The following MCPH1 variants were observed in gnomAD, a reference collection of about 807,000 sequenced individuals.
MCPH1 encodes microcephalin.
MCPH1 carries 104 observed loss-of-function variants against 84.5 expected under a neutral mutation model. That is an observed-to-expected ratio of 1.23 (90% CI 1.05 to 1.45). MCPH1 has a LOEUF of 1.45. Among genes scored for constraint, MCPH1 ranks in the 40% most tolerant of loss-of-function variants. The pLI, the probability that MCPH1 is intolerant of heterozygous loss-of-function variation, is 0.00. For synonymous variants in MCPH1, 514 were observed against 366.8 expected (o/e 1.40, Z -4.58); for missense variants, 1,498 against 1,005.7 (o/e 1.49, Z -6.62).
chr8:6,418,774 G>T (rs1337293994), intron 3 of MCPH1, among the ~76,000 whole-genome samples: 1 of 152,056 alleles, frequency 6.6e-6, no homozygotes. Context: ...TGGACACGGG[G>T]TTTCACCATG....
chr8:6,430,347 G>A (rs1158138101), intron 3 of MCPH1, among the ~76,000 whole-genome samples: 4 of 152,146 alleles, frequency 2.6e-5, no homozygotes, highest in Non-Finnish European at 5.9e-5. Flanking sequence ...TTTTGCTTCG[G>A]AAAATTCCAC....
intron 12 of MCPH1, among the ~76,000 whole-genome samples, chr8:6,547,867 G>A (rs898848986): frequency 6.6e-6 from 1 of 151,500 alleles, no homozygotes; most frequent in East Asian, 1.9e-4. Flanking sequence ...GTTTGTTTCA[G>A]TGAGTCATCT....
At chr8:6,512,345 T>C (rs1563320794) in intron 12 of MCPH1, among the ~76,000 whole-genome samples, 1 of 152,170 alleles carries the variant, frequency 6.6e-6, no homozygotes, top group Non-Finnish European at 1.5e-5. Context: ...TAACATTGTG[T>C]CTCCTTTCAG....
chr8:6,409,408 C>T, intron 2 of MCPH1, 38 bp downstream of exon 2: 1 of 1,465,388 alleles, frequency 6.8e-7, no homozygotes, highest in Non-Finnish European at 9.6e-7. Context: ...ATATGACAGT[C>T]TTCTGATTGG....
At chr8:6,436,906 C>T (rs1802731643) in intron 5 of MCPH1, among the ~76,000 whole-genome samples, 1 of 151,874 alleles carries the variant, frequency 6.6e-6, no homozygotes, top group African/African-American at 2.4e-5. Flanking sequence ...GGAGGCAGAG[C>T]TTGCAGTGAG....
chr8:6,562,695 C>A, intron 12 of MCPH1: 3 of 1,609,146 alleles, frequency 1.9e-6, no homozygotes, highest in Non-Finnish European at 2.6e-6. Context: ...CCAGCACTTG[C>A]AGCCTCTGCA....
intron 11 of MCPH1, among the ~76,000 whole-genome samples, chr8:6,485,419 C>G (rs1045657524): frequency 6.6e-6 from 1 of 152,082 alleles, no homozygotes; most frequent in Non-Finnish European, 1.5e-5. Flanking sequence ...GGTTTCAGAA[C>G]TAGGTTTCCT....
intron 12 of MCPH1, among the ~76,000 whole-genome samples, chr8:6,567,091 C>T (rs542504068): frequency 2.7e-5 from 4 of 148,342 alleles, no homozygotes; most frequent in Admixed American, 2.0e-4. Context: ...CGTGTGTGAT[C>T]GGCAAGGCCA....
chr8:6,568,529 G>A (rs1017099074), intron 12 of MCPH1, among the ~76,000 whole-genome samples: 1 of 152,218 alleles, frequency 6.6e-6, no homozygotes, highest in African/African-American at 2.4e-5. Flanking sequence ...ATCAAGGGAT[G>A]GAAATGGGGC....
Position 6,645,137 on chromosome 8 carries a change from G to A in MCPH1, c.*2088G>A, listed in dbSNP as rs1798150548. 1 of 152,298 alleles carries A rather than the reference G, an allele frequency of 6.6e-6. No homozygotes were observed. The highest frequency in any genetic ancestry group is 1.5e-5 in the Non-Finnish European group (1 of 68,106). The allele number at this position is 152,298 out of a possible 1,614,324, so 9.4% of individuals were successfully genotyped here. Reference sequence around the variant, plus strand: ...ACTCATGCTGGAGACAAGCCACAGAGAACTTCCATCCCCCACCACATCAGC... The same window carrying A: ...ACTCATGCTGGAGACAAGCCACAGAAAACTTCCATCCCCCACCACATCAGC... On this transcript the variant is annotated 3_prime_UTR_variant, in exon 14 of 14. Transcript: ENST00000344683.
At chr8:6,418,801 T>C (rs1975620) in intron 3 of MCPH1, among the ~76,000 whole-genome samples, 148,160 of 152,092 alleles carry the variant, frequency 0.97, 72,281 homozygotes, top group East Asian at 1. Context: ...AGGATGATCC[T>C]GATCTTCTGA....
At chr8:6,605,955 C>A (rs556912019) in intron 12 of MCPH1, among the ~76,000 whole-genome samples, 2 of 152,152 alleles carry the variant, frequency 1.3e-5, no homozygotes, top group African/African-American at 2.4e-5. Flanking sequence ...CCTTGGCCCC[C>A]CAGAATGCTG....
At chr8:6,474,444 T>C (rs1210925801) in intron 9 of MCPH1, among the ~76,000 whole-genome samples, 3 of 151,966 alleles carry the variant, frequency 2.0e-5, no homozygotes, top group African/African-American at 7.3e-5. Flanking sequence ...TAACATGCAA[T>C]GGGTTCACCT....
chr8:6,626,348 G>A, intron 13 of MCPH1: 1 of 985,204 alleles, frequency 1.0e-6, no homozygotes, highest in Non-Finnish European at 1.2e-6. Context: ...GAAAGGGCAT[G>A]ATTACGTTCC....
chr8:6,518,206 C>G (rs1474179770), intron 12 of MCPH1, among the ~76,000 whole-genome samples: 4 of 152,170 alleles, frequency 2.6e-5, no homozygotes, highest in African/African-American at 9.7e-5. Flanking sequence ...CCATGGCATC[C>G]CCATTTCACA....
At chr8:6,458,543 G>T (rs555274460) in intron 9 of MCPH1, among the ~76,000 whole-genome samples, 1 of 151,786 alleles carries the variant, frequency 6.6e-6, no homozygotes, top group East Asian at 1.9e-4. Flanking sequence ...TTTTAGGAGC[G>T]CAAATTTGAT....
In MCPH1 at chr8:6,583,826, T is replaced by C. The variant is rs560044880; in HGVS notation, c.2215-37628T>C. Among the ~76,000 whole-genome samples, 641 of 150,884 alleles carry C rather than the reference T, an allele frequency of 4.2e-3. 3 individuals carry two copies. Among genetic ancestry groups the C allele is most frequent in the South Asian group, 0.019 (90 of 4,746 alleles). ...TGGTCTCGGAGTCTTTTTTTTTTTT[T>C]CCTAGGTTATTGGTGTTCATTTCTT... On this transcript the variant is annotated intron_variant, in intron 12 of 13. Transcript: ENST00000344683.
intron 12 of MCPH1, chr8:6,521,417 A>C: frequency 6.3e-7 from 1 of 1,596,634 alleles, no homozygotes; most frequent in Non-Finnish European, 8.6e-7. Flanking sequence ...GAAACTTGTA[A>C]GGAAAAGAAT....
intron 12 of MCPH1, among the ~76,000 whole-genome samples, chr8:6,545,536 G>T (rs547065523): frequency 6.6e-6 from 1 of 152,280 alleles, no homozygotes; most frequent in East Asian, 1.9e-4. Context: ...AACTATCTTA[G>T]AGAACTGTGG....
Sources: gnomAD v4.1 joint callset for allele counts (sites outside exome capture counted in the v4.1 genomes callset) on GRCh38, gnomAD v4.1.1 for gene constraint, MANE v1.5 for transcripts, NCBI Gene and HGNC (gene_info 2026-07-23, HGNC 2026-07-21) for gene names.